MEIS2: variants seen among roughly 807,000 people sequenced by gnomAD.
The protein encoded by MEIS2 is Meis homeobox 2.
Under a neutral mutation model 58.6 loss-of-function variants are expected in MEIS2, and 9 were observed. The observed-to-expected ratio is 0.15, with a 90% CI of 0.09 to 0.27. The LOEUF (loss-of-function observed/expected upper bound fraction) is 0.27, where lower values mean the gene tolerates loss of function less well. Ranked by LOEUF, MEIS2 falls within the 10% of genes least tolerant of loss-of-function variation. The pLI is 1.00. For missense variants in MEIS2, 427 were observed against 635.0 expected (o/e 0.67, Z 3.52); for synonymous variants, 221 against 228.4 (o/e 0.97, Z 0.29).
chr15:37,039,096 T>C (rs753579502), intron 7 of MEIS2, among the ~76,000 whole-genome samples: 55 of 152,138 alleles, frequency 3.6e-4, no homozygotes, highest in Non-Finnish European at 1.3e-4. Context: ...TTCTGTAGCC[T>C]GAGGCAATTT....
chr15:37,077,808 C>A (rs1054027131), intron 7 of MEIS2, among the ~76,000 whole-genome samples: 9 of 151,976 alleles, frequency 5.9e-5, no homozygotes, highest in African/African-American at 1.7e-4. Flanking sequence ...AACACAGCAA[C>A]AAGAGCTGAT....
Position 36,895,184 on chromosome 15 carries a change from C to G in MEIS2, c.1114G>C (p.Asp372His), listed in dbSNP as rs1027874815. 6.2e-7 allele frequency: 1 copy of G among 1,614,032 alleles called. No individual in the cohort carries two copies. The highest frequency in any genetic ancestry group is 8.5e-7 in the Non-Finnish European group (1 of 1,180,050). ...CGGATCCCCATGTGTTGCTGACCAT[C>G]CAACACAAAGCTCCCCATGGGCTGA... ...EGQPMGSFVL[D>H]GQQHMGIRPA... is the part of the protein sequence containing the mutation. Residue 372 changes from aspartate (D) to histidine (H), a missense_variant, in exon 11 of 12, where the codon GAT becomes CAT. Coordinates refer to ENST00000561208, the MANE Select transcript of MEIS2 (RefSeq NM_170675.5).
chr15:36,938,487 A>T (rs2141353737), intron 9 of MEIS2, among the ~76,000 whole-genome samples: 1 of 152,304 alleles, frequency 6.6e-6, no homozygotes, highest in South Asian at 2.1e-4. Flanking sequence ...TTTTCGTCCC[A>T]TGCTGAATTA....
At chr15:37,002,405 A>T (rs2060764008) in intron 8 of MEIS2, among the ~76,000 whole-genome samples, 1 of 151,986 alleles carries the variant, frequency 6.6e-6, no homozygotes, top group Non-Finnish European at 1.5e-5. Context: ...TTCTTTTGAC[A>T]CTTTTCACTT....
chr15:37,075,367 C>T (rs1891262979), intron 7 of MEIS2, among the ~76,000 whole-genome samples: 1 of 151,868 alleles, frequency 6.6e-6, no homozygotes, highest in African/African-American at 2.4e-5. Flanking sequence ...CGAAATAATG[C>T]TAAGTTTGAG....
chr15:37,023,977 T>C (rs2061616356), intron 8 of MEIS2, among the ~76,000 whole-genome samples: 1 of 142,294 alleles, frequency 7.0e-6, no homozygotes, highest in Non-Finnish European at 1.5e-5. Flanking sequence ...GCAGTGGCAC[T>C]CAGCTCACTG....
intron 9 of MEIS2, among the ~76,000 whole-genome samples, chr15:36,922,768 C>T (rs114236333): frequency 4.4e-4 from 67 of 151,778 alleles, no homozygotes; most frequent in African/African-American, 1.5e-3. Context: ...CATGCCACCA[C>T]ACCCGCCTAA....
intron 8 of MEIS2, among the ~76,000 whole-genome samples, chr15:36,986,585 TTCTCTCCTCAGAGA>T (rs2060099800): frequency 6.6e-6 from 1 of 152,152 alleles, no homozygotes; most frequent in Non-Finnish European, 1.5e-5. Context: ...AGTCTGGCAG[TTCTCTCCTCAGAGA>T]TCTGAGGCCC....
intron 8 of MEIS2, among the ~76,000 whole-genome samples, chr15:37,000,730 A>G (rs975389500): frequency 8.6e-5 from 13 of 152,026 alleles, no homozygotes; most frequent in African/African-American, 2.9e-4. Flanking sequence ...TGAATTTTCA[A>G]TCTCTTCACT....
chr15:37,010,126 T>C (rs559962110), intron 8 of MEIS2, among the ~76,000 whole-genome samples: 16 of 152,164 alleles, frequency 1.1e-4, no homozygotes, highest in African/African-American at 1.7e-4. Context: ...CTTGTTCTGT[T>C]GCCCAGGCTG....
At chr15:37,032,214 C>G (rs2061958223) in intron 8 of MEIS2, among the ~76,000 whole-genome samples, 1 of 152,160 alleles carries the variant, frequency 6.6e-6, no homozygotes. Context: ...AGACCTTCAG[C>G]CAGAAACTGG....
At chr15:37,018,465 T>C (rs2061422117) in intron 8 of MEIS2, among the ~76,000 whole-genome samples, 1 of 152,238 alleles carries the variant, frequency 6.6e-6, no homozygotes, top group African/African-American at 2.4e-5. Flanking sequence ...GCTTATAATA[T>C]ACAATTTTTA....
intron 8 of MEIS2, among the ~76,000 whole-genome samples, chr15:36,996,402 T>A (rs1390781058): frequency 1.3e-5 from 2 of 152,146 alleles, no homozygotes; most frequent in Admixed American, 1.3e-4. Flanking sequence ...CTAGTCAAAC[T>A]GTTCCTCCTC....
intron 9 of MEIS2, among the ~76,000 whole-genome samples, chr15:36,923,315 T>A (rs879496403): frequency 1.1e-4 from 16 of 152,264 alleles, no homozygotes; most frequent in Non-Finnish European, 1.6e-4. Context: ...ATCATCCTGT[T>A]CTAAGGTTCT....
intron 8 of MEIS2, among the ~76,000 whole-genome samples, chr15:37,029,519 T>C (rs2061831936): frequency 6.6e-6 from 1 of 152,142 alleles, no homozygotes; most frequent in Non-Finnish European, 1.5e-5. Flanking sequence ...ATTATCACAG[T>C]GTCTCCAGGG....
At chr15:36,995,695 T>C (rs1330421043) in intron 8 of MEIS2, among the ~76,000 whole-genome samples, 2 of 23,188 alleles carry the variant, frequency 8.6e-5, no homozygotes, top group East Asian at 2.3e-3. Flanking sequence ...GCTAGCTCAG[T>C]TTACAGCTAC....
chr15:36,962,070 C>T (rs1320339158), intron 8 of MEIS2, among the ~76,000 whole-genome samples: 1 of 152,158 alleles, frequency 6.6e-6, no homozygotes, highest in East Asian at 1.9e-4. Flanking sequence ...ACCACTATGG[C>T]CAGCAACTGC....
chr15:36,971,107 G>T (rs573768186), intron 8 of MEIS2, among the ~76,000 whole-genome samples: 9 of 152,010 alleles, frequency 5.9e-5, no homozygotes, highest in Admixed American at 2.0e-4. Flanking sequence ...TGGGCTTGGG[G>T]GGGTGGGGGA....
intron 9 of MEIS2, among the ~76,000 whole-genome samples, chr15:36,910,014 G>A (rs1320642303): frequency 6.6e-6 from 1 of 152,042 alleles, no homozygotes; most frequent in Non-Finnish European, 1.5e-5. Context: ...GCCAGCCTGG[G>A]CAACATGATG....
Sources: gnomAD v4.1 joint callset for allele counts (sites outside exome capture counted in the v4.1 genomes callset) on GRCh38, gnomAD v4.1.1 for gene constraint, MANE v1.5 for transcripts, NCBI Gene and HGNC (gene_info 2026-07-23, HGNC 2026-07-21) for gene names.